CUBN: variants seen among roughly 807,000 people sequenced by gnomAD.
CUBN encodes the protein cubilin.
A neutral mutation model predicts 405.3 loss-of-function variants in CUBN; 282 were observed. The ratio of observed to expected loss-of-function variants is 0.70; its 90% CI spans 0.63 to 0.77. The LOEUF is 0.77. Ranked by LOEUF, CUBN falls within the 30% of genes least tolerant of loss-of-function variation. The pLI, the probability that CUBN is intolerant of heterozygous loss-of-function variation, is 0.00. For synonymous variants in CUBN, 1,684 were observed against 1,617.0 expected, an observed-to-expected ratio of 1.04 and a Z score of -0.99; for missense variants, 4,514 against 4,475.2, an observed-to-expected ratio of 1.01 and a Z score of -0.25.
At chr10:16,899,295 T>G in intron 53 of CUBN, 112 bp from the exon 54 acceptor site, 1 of 832,688 alleles carries the variant, frequency 1.2e-6, no homozygotes, top group East Asian at 2.5e-5. Context: ...TCATCATTTT[T>G]TACAAGTGAT....
chr10:16,929,265 G>A (rs1842300580), intron 40 of CUBN, among the ~76,000 whole-genome samples: 1 of 152,080 alleles, frequency 6.6e-6, no homozygotes, highest in Non-Finnish European at 1.5e-5. Flanking sequence ...GGCACCACAC[G>A]TCTCCTTTCA....
At chr10:16,845,511 T>C (rs1348102463) in intron 60 of CUBN, among the ~76,000 whole-genome samples, 1 of 152,102 alleles carries the variant, frequency 6.6e-6, no homozygotes, top group African/African-American at 2.4e-5. Flanking sequence ...TTCAGAATCT[T>C]CTGGAGAAAA....
intron 22 of CUBN, among the ~76,000 whole-genome samples, chr10:17,048,835 C>T (rs1326792083): frequency 1.3e-5 from 2 of 152,098 alleles, no homozygotes; most frequent in East Asian, 3.8e-4. Flanking sequence ...GCTATATAAT[C>T]CCCAAGCTCA....
intron 2 of CUBN, among the ~76,000 whole-genome samples, chr10:17,128,322 G>C (rs1837246358): frequency 6.6e-6 from 1 of 152,132 alleles, no homozygotes; most frequent in African/African-American, 2.4e-5. Flanking sequence ...GACAATAAAG[G>C]CCACCTCATA....
At chr10:17,011,504 T>C (rs574617348) in intron 28 of CUBN, among the ~76,000 whole-genome samples, 1 of 141,534 alleles carries the variant, frequency 7.1e-6, no homozygotes, top group African/African-American at 2.5e-5. Context: ...GTGTTACAGC[T>C]CATAAAGGTA....
intron 4 of CUBN, among the ~76,000 whole-genome samples, chr10:17,125,609 G>T (rs1179613728): frequency 2.0e-5 from 3 of 152,208 alleles, no homozygotes; most frequent in Non-Finnish European, 2.9e-5. Flanking sequence ...GCCTACAGGG[G>T]CCTAGTAGAA....
chr10:16,934,612 T>C (rs1007894370), intron 39 of CUBN, among the ~76,000 whole-genome samples: 1 of 152,244 alleles, frequency 6.6e-6, no homozygotes, highest in Non-Finnish European at 1.5e-5. Flanking sequence ...ATTAGTGCTG[T>C]TTGCCAAATA....
At chr10:17,125,023 G>A (rs751627566) in intron 4 of CUBN, among the ~76,000 whole-genome samples, 7 of 151,640 alleles carry the variant, frequency 4.6e-5, no homozygotes, top group Non-Finnish European at 7.4e-5. Context: ...GTAGAGACAG[G>A]GTTCCACCAT....
Position 16,995,183 on chromosome 10 carries a change from C to T in CUBN, c.4169-4668G>A, listed in dbSNP as rs148758058. 2.4e-3 allele frequency among the ~76,000 whole-genome samples: 368 copies of T among 152,288 alleles called. 2 individuals are homozygous for T. Among genetic ancestry groups the T allele is most frequent in the Non-Finnish European group, 4.4e-3 (296 of 68,024 alleles). On this transcript the variant is annotated intron_variant, in intron 28 of 66. Coordinates refer to ENST00000377833, the MANE Select transcript of CUBN (RefSeq NM_001081.4). The stretch of plus-strand genomic sequence containing the variant: ...AGAAATAGACACAGTGGCTCTTTGT[C>T]ACTTTGGTAAGAGAAAGTTTTCATG...
At chr10:17,070,367 T>A (rs551095291) in intron 19 of CUBN, among the ~76,000 whole-genome samples, 89 of 152,334 alleles carry the variant, frequency 5.8e-4, no homozygotes, top group African/African-American at 2.1e-3. Context: ...CATATTCATA[T>A]GAATTTTACG....
At chr10:17,050,828 G>A (rs529651914) in intron 22 of CUBN, among the ~76,000 whole-genome samples, 2 of 152,278 alleles carry the variant, frequency 1.3e-5, no homozygotes, top group African/African-American at 4.8e-5. Flanking sequence ...TAGAGACCTA[G>A]CAAGTTAGAG....
rs1216473429 is a variant in CUBN at position 17,100,592 on chromosome 10, G to C, written c.1531-353C>G. ...AAATTGGAGATTTGAAAATCTACCT[G>C]AATTAAGTTGAACTGGCTAATATTA... On this transcript the variant is annotated intron_variant, in intron 13 of 66. Transcript: ENST00000377833. 2.6e-5 allele frequency among the ~76,000 whole-genome samples: 4 copies of C among 152,168 alleles called. No individual in the cohort carries two copies. The East Asian group carries it at 7.7e-4, about 29-fold the overall frequency.
intron 31 of CUBN, among the ~76,000 whole-genome samples, chr10:16,981,662 C>G (rs1157662361): frequency 2.0e-5 from 3 of 152,108 alleles, no homozygotes; most frequent in African/African-American, 7.2e-5. Flanking sequence ...CCTGCTCCCA[C>G]CAGAGATGAG....
In CUBN at chr10:17,025,710, C is replaced by T. The variant is rs535294835; in HGVS notation, c.4018-5727G>A. On this transcript the variant is annotated intron_variant, in intron 27 of 66. Coordinates refer to ENST00000377833, the MANE Select transcript of CUBN (RefSeq NM_001081.4). ...CTCACATAAAAGAGTTCACAGAAAT[C>T]GTCACTGGTAGGGCAGATGGGGAAG... Among the ~76,000 whole-genome samples the T allele has an allele frequency of 6.6e-5, 10 of 152,224 alleles. No individual in the cohort carries two copies. The South Asian group carries it at 1.5e-3, about 22-fold the overall frequency.
chr10:16,834,032 A>G (rs77051858), intron 64 of CUBN, among the ~76,000 whole-genome samples: 2,017 of 152,244 alleles, frequency 0.013, 50 homozygotes, highest in African/African-American at 0.046. Context: ...TCACAGAGGA[A>G]CTCAGCATCT....
In CUBN at chr10:17,020,272, T is replaced by C. The variant is rs972900672; in HGVS notation, c.4018-289A>G. 5.9e-5 allele frequency among the ~76,000 whole-genome samples: 9 copies of C among 152,210 alleles called. No individual in the cohort carries two copies. In the South Asian group the frequency reaches 1.2e-3, roughly 21 times the overall value. Reference sequence around the variant, plus strand: ...TCCAAAGTATAATTCAGGCTCAGAATACGGAAATAGTAGGCATTCACATAT... The same window carrying C: ...TCCAAAGTATAATTCAGGCTCAGAACACGGAAATAGTAGGCATTCACATAT... On this transcript the variant is annotated intron_variant, in intron 27 of 66. Coordinates refer to ENST00000377833, the MANE Select transcript of CUBN (RefSeq NM_001081.4).
chr10:16,987,455 C>G (rs959534115), intron 29 of CUBN, among the ~76,000 whole-genome samples: 3 of 152,184 alleles, frequency 2.0e-5, no homozygotes. Flanking sequence ...GCTCTGTTAG[C>G]TCCATTTATT....
intron 64 of CUBN, among the ~76,000 whole-genome samples, 155 bp from the exon 65 acceptor site, chr10:16,831,572 T>G (rs1166452389): frequency 6.6e-6 from 1 of 152,242 alleles, no homozygotes; most frequent in Non-Finnish European, 1.5e-5. Context: ...CATGCAGAAG[T>G]CACCTTCACT....
intron 34 of CUBN, among the ~76,000 whole-genome samples, chr10:16,949,793 A>T (rs1486642381): frequency 2.6e-5 from 4 of 152,250 alleles, no homozygotes; most frequent in South Asian, 4.1e-4. Context: ...AACTATTCAC[A>T]CGTTTGAATA....
Sources: allele counts gnomAD v4.1 joint callset (sites outside exome capture counted in the v4.1 genomes callset), GRCh38; gene constraint gnomAD v4.1.1; transcripts MANE v1.5; gene names NCBI Gene and HGNC (gene_info 2026-07-23, HGNC 2026-07-21).